The following TRAPPC6B variants were observed in gnomAD, a reference collection of about 807,000 sequenced individuals.
The protein encoded by TRAPPC6B is TRAPP complex subunit 6B.
In TRAPPC6B, 27 loss-of-function variants were observed where a neutral mutation model predicts 24.7. The ratio of observed to expected loss-of-function variants is 1.09; its 90% CI spans 0.81 to 1.51. The LOEUF is 1.51. Ranked by LOEUF, TRAPPC6B falls within the 40% of genes most tolerant of loss-of-function variation. The pLI is 0.00. For synonymous variants in TRAPPC6B, 80 were observed against 66.6 expected (o/e 1.20, Z -0.98); for missense variants, 212 against 190.8 (o/e 1.11, Z -0.66).
rs2052885225 is a variant in TRAPPC6B at position 39,148,867 on chromosome 14, C to T, written c.*1483G>A. On this transcript the variant is annotated 3_prime_UTR_variant, in exon 6 of 6. Transcript: ENST00000330149. The stretch of plus-strand genomic sequence containing the variant: ...ACACAAACCTAGATGGTATGATCTA[C>T]TATACACCTAAGCTATGGCCTATTG... 5.0e-6 allele frequency: 2 copies of T among 397,266 alleles called. No individual in the cohort carries two copies. The highest frequency in any genetic ancestry group is 4.1e-5 in the African/African-American group (2 of 48,590). The allele number at this position is 397,266 out of a possible 1,614,324, so 24.6% of individuals were successfully genotyped here.
intron 2 of TRAPPC6B, 89 bp from the exon 3 acceptor site, chr14:39,158,491 C>G: frequency 1.3e-6 from 1 of 762,442 alleles, no homozygotes. Context: ...AATGCCAGAA[C>G]AGCACTGAAC....
At chr14:39,165,213 T>C (rs1194337946) in intron 1 of TRAPPC6B, among the ~76,000 whole-genome samples, 1 of 152,018 alleles carries the variant, frequency 6.6e-6, no homozygotes, top group Non-Finnish European at 1.5e-5. Context: ...GCCCGGCTAA[T>C]TTTTTGTATT....
chr14:39,154,377 G>A (rs966627693), intron 3 of TRAPPC6B, 83 bp from the exon 4 acceptor site: 12 of 907,980 alleles, frequency 1.3e-5, no homozygotes, highest in South Asian at 1.6e-5. Context: ...AACAATTTAA[G>A]TGTTTTTTAA....
rs2052890529 is a variant in TRAPPC6B, at chr14:39,149,485, T to A, written c.*865A>T. On this transcript the variant is annotated 3_prime_UTR_variant, in exon 6 of 6. Coordinates refer to ENST00000330149, the MANE Select transcript of TRAPPC6B (RefSeq NM_001079537.2). ...TAGAAGAGGTGGTAAGAAAGATATATCAGATGAGCACTGACCCCAAACCAC... is the reference window on the plus strand; with the variant it reads ...TAGAAGAGGTGGTAAGAAAGATATAACAGATGAGCACTGACCCCAAACCAC... The A allele has an allele frequency of 6.6e-6, 1 of 152,158 alleles. No individual in the cohort carries two copies. Among genetic ancestry groups the A allele is most frequent in the African/African-American group, 2.4e-5 (1 of 41,432 alleles). The allele number at this position is 152,158 out of a possible 1,614,324, so 9.4% of individuals were successfully genotyped here. A position where few individuals can be genotyped will look rare whatever the true frequency, so the allele number is the denominator to read the frequency against.
chr14:39,169,270 TTTTA>T (rs1343817593), intron 1 of TRAPPC6B, among the ~76,000 whole-genome samples: 2 of 152,208 alleles, frequency 1.3e-5, no homozygotes, highest in Non-Finnish European at 2.9e-5. Flanking sequence ...AGGAGTATTA[TTTTA>T]TTTAATTTAT....
intron 1 of TRAPPC6B, among the ~76,000 whole-genome samples, chr14:39,168,632 CT>C (rs1445219524): frequency 6.6e-6 from 1 of 152,054 alleles, no homozygotes; most frequent in Non-Finnish European, 1.5e-5. Context: ...CCTTTATTTC[CT>C]TTTCTGATTA....
Position 39,150,257 on chromosome 14 carries a change from T to A in TRAPPC6B, c.*93A>T. 1 of 1,082,400 alleles carries A rather than the reference T, an allele frequency of 9.2e-7. No individual in the cohort carries two copies. Among genetic ancestry groups the A allele is most frequent in the Non-Finnish European group, 1.3e-6 (1 of 743,714 alleles). The allele number at this position is 1,082,400 out of a possible 1,614,324, so 67.0% of individuals were successfully genotyped here. On this transcript the variant is annotated 3_prime_UTR_variant, in exon 6 of 6. Coordinates refer to ENST00000330149, the MANE Select transcript of TRAPPC6B (RefSeq NM_001079537.2). ...ATACATGCTTACTCCTGTACAAACA[T>A]CGAACAATGTAATTAAATCATCACT...
Position 39,170,302 on chromosome 14 carries a change from G to T in TRAPPC6B, c.-207C>A. The T allele has an allele frequency of 1.7e-6, 1 of 571,616 alleles. No homozygotes were observed. The allele number at this position is 571,616 out of a possible 1,614,324, so 35.4% of individuals were successfully genotyped here. ...GTACTGGAGAGAGCCCACACTTCGG[G>T]GCTACCAAATCCTAGGGCCGAACTA... is the stretch of plus-strand genomic sequence containing the variant. On this transcript the variant is annotated 5_prime_UTR_variant, in exon 1 of 6. Coordinates refer to ENST00000330149, the MANE Select transcript of TRAPPC6B (RefSeq NM_001079537.2).
At chr14:39,150,455 C>T in intron 5 of TRAPPC6B, 74 bp from the exon 6 acceptor site, 3 of 1,111,090 alleles carry the variant, frequency 2.7e-6, no homozygotes, top group South Asian at 2.9e-5. Flanking sequence ...ATTTTCTGTT[C>T]CATATAGGAA....
At chr14:39,156,329 T>C (rs2139380693) in intron 3 of TRAPPC6B, among the ~76,000 whole-genome samples, 1 of 152,296 alleles carries the variant, frequency 6.6e-6, no homozygotes, top group Middle Eastern at 3.4e-3. Context: ...TAATTAAAAA[T>C]AAATAAATAA....
intron 3 of TRAPPC6B, among the ~76,000 whole-genome samples, chr14:39,155,877 A>G (rs908551060): frequency 3.3e-5 from 5 of 152,112 alleles, no homozygotes; most frequent in African/African-American, 7.2e-5. Context: ...TATCCAGGCA[A>G]AAGTGTAGTA....
intron 4 of TRAPPC6B, among the ~76,000 whole-genome samples, chr14:39,153,308 A>G (rs1440621185): frequency 2.0e-5 from 3 of 151,932 alleles, no homozygotes; most frequent in Non-Finnish European, 2.9e-5. Context: ...ATGTAATTAG[A>G]GCCTGGATAC....
Position 39,158,391 on chromosome 14 carries a change from T to A in TRAPPC6B, c.161A>T (p.Asp54Val), listed in dbSNP as rs147625412. ...GQGLIERFTK[D>V]TARFKDELDI... ...TAACTCATCCTTGAACCTTGCAGTA[T>A]CTTTTGTAAACCTAAAAAGATCAAC... Residue 54 changes from aspartate (D) to valine (V), a missense_variant, in exon 3 of 6, where the codon GAT becomes GTT. Physicochemically the swap from Asp to Val is radical, Grantham distance 152. Coordinates refer to ENST00000330149, the MANE Select transcript of TRAPPC6B (RefSeq NM_001079537.2). The A allele has an allele frequency of 2.1e-4, 330 of 1,584,436 alleles. No individual in the cohort carries two copies. Among genetic ancestry groups the A allele is most frequent in the Admixed American group, 2.9e-4 (15 of 51,884 alleles).
chr14:39,155,882 G>A (rs2052972261), intron 3 of TRAPPC6B, among the ~76,000 whole-genome samples: 1 of 152,116 alleles, frequency 6.6e-6, no homozygotes, highest in South Asian at 2.1e-4. Flanking sequence ...AGGCAAAAGT[G>A]TAGTATTTCA....
At chr14:39,169,976 C>A in intron 1 of TRAPPC6B, 39 bp downstream of exon 1, 1 of 1,603,564 alleles carries the variant, frequency 6.2e-7, no homozygotes, top group Non-Finnish European at 8.5e-7. Context: ...CAAGGTGTGT[C>A]ACCGCAAAAG....
At position 39,158,265 on chromosome 14, in the gene TRAPPC6B, G is replaced by A; in HGVS notation, c.267+20C>T. On this transcript the variant is annotated intron_variant, in intron 3 of 5. Coordinates refer to ENST00000330149, the MANE Select transcript of TRAPPC6B (RefSeq NM_001079537.2). ...CAAGTTAAAGGACTTTAAAATATAG[G>A]CCTTAATTAATTTAATTACCTGATG... The A allele has an allele frequency of 7.9e-7, 1 of 1,272,072 alleles. No individual in the cohort carries two copies. The highest frequency in any genetic ancestry group is 1.1e-6 in the Non-Finnish European group (1 of 896,568). 78.8% of individuals were successfully genotyped at this position (1,272,072 alleles called of 1,614,324 possible).
In TRAPPC6B at chr14:39,149,414, T is replaced by G. The variant is rs2052889916; in HGVS notation, c.*936A>C. The G allele has an allele frequency of 6.6e-6, 1 of 152,180 alleles. No homozygotes were observed. The highest frequency in any genetic ancestry group is 6.6e-5 in the Admixed American group (1 of 15,256). The allele number at this position is 152,180 out of a possible 1,614,324, so 9.4% of individuals were successfully genotyped here. A position where few individuals can be genotyped will look rare whatever the true frequency, so the allele number is the denominator to read the frequency against. ...CAACATGCAAGATTCTAACAAAAGCTGGAGATAACTGCTTATGCCAGATAA... is the reference window on the plus strand; with the variant it reads ...CAACATGCAAGATTCTAACAAAAGCGGGAGATAACTGCTTATGCCAGATAA... On this transcript the variant is annotated 3_prime_UTR_variant, in exon 6 of 6. Coordinates refer to ENST00000330149, the MANE Select transcript of TRAPPC6B (RefSeq NM_001079537.2).
intron 2 of TRAPPC6B, 147 bp downstream of exon 2, chr14:39,159,335 TC>T (rs2053026249): frequency 2.3e-6 from 1 of 426,098 alleles, no homozygotes; most frequent in African/African-American, 2.0e-5. Context: ...TGGCATTGGA[TC>T]TAAAAAGAAA....
chr14:39,150,898 T>A (rs952902675), intron 5 of TRAPPC6B, among the ~76,000 whole-genome samples: 2 of 152,132 alleles, frequency 1.3e-5, no homozygotes, highest in African/African-American at 4.8e-5. Flanking sequence ...TTGTTTCTCT[T>A]TATGAATCCT....
Sources: gnomAD v4.1 joint callset for allele counts (sites outside exome capture counted in the v4.1 genomes callset) on GRCh38, gnomAD v4.1.1 for gene constraint, MANE v1.5 for transcripts, NCBI Gene and HGNC (gene_info 2026-07-23, HGNC 2026-07-21) for gene names.